DPYD: variants seen among roughly 807,000 people sequenced by gnomAD.
The protein encoded by DPYD is dihydropyrimidine dehydrogenase [NADP(+)].
In DPYD, 109 loss-of-function variants were observed where a neutral mutation model predicts 116.2. That is an observed-to-expected ratio of 0.94 (90% confidence interval 0.80 to 1.10). The LOEUF (loss-of-function observed/expected upper bound fraction) is 1.10, where lower values mean the gene tolerates loss of function less well. Among genes scored for constraint, DPYD ranks in the 50% least tolerant of loss-of-function variants. The pLI is 0.00. For synonymous variants in DPYD, 440 were observed against 432.0 expected, an observed-to-expected ratio of 1.02 and a Z score of -0.23; for missense variants, 1,302 against 1,254.5, an observed-to-expected ratio of 1.04 and a Z score of -0.57.
intron 20 of DPYD, among the ~76,000 whole-genome samples, chr1:97,155,416 T>G (rs1655372230): frequency 6.6e-6 from 1 of 152,148 alleles, no homozygotes; most frequent in Non-Finnish European, 1.5e-5. Flanking sequence ...GTCCAAATAT[T>G]CTCTCTGAAT....
chr1:97,574,785 T>G (rs968250844), intron 10 of DPYD, among the ~76,000 whole-genome samples: 1 of 152,154 alleles, frequency 6.6e-6, no homozygotes, highest in Non-Finnish European at 1.5e-5. Flanking sequence ...GTTCTTTTTT[T>G]AAAAAATGCA....
Position 97,593,203 on chromosome 1 carries a change from A to T in DPYD, c.1128+15T>A. ...TTGGAGTACAACTCCATATTTTCTG[A>T]TGGTTCCATTTTACCTCCTCAGGGA... On this transcript the variant is annotated intron_variant, in intron 10 of 22. Coordinates refer to ENST00000370192, the MANE Select transcript of DPYD (RefSeq NM_000110.4). 1.2e-6 allele frequency: 2 copies of T among 1,613,622 alleles called. No homozygotes were observed. Among genetic ancestry groups the T allele is most frequent in the Non-Finnish European group, 1.7e-6 (2 of 1,179,872 alleles).
At chr1:97,875,660 T>C (rs1431181571) in intron 2 of DPYD, among the ~76,000 whole-genome samples, 6 of 152,132 alleles carry the variant, frequency 3.9e-5, no homozygotes, top group Non-Finnish European at 7.4e-5. Flanking sequence ...CATTTCACAG[T>C]ATATTTTTCC....
At chr1:97,317,796 G>A (rs1202124890) in intron 16 of DPYD, among the ~76,000 whole-genome samples, 2 of 151,908 alleles carry the variant, frequency 1.3e-5, no homozygotes, top group African/African-American at 4.8e-5. Context: ...TCTGTCCTGG[G>A]AATGTTATGA....
At chr1:97,333,538 T>TTTTTTTTTTTTA (rs35688762) in intron 16 of DPYD, among the ~76,000 whole-genome samples, 1 of 146,356 alleles carries the variant, frequency 6.8e-6, no homozygotes, top group African/African-American at 2.6e-5. Context: ...TTTTTTTTTT[T>TTTTTTTTTTTTA]GAGATGGAGT....
In DPYD at chr1:97,446,423, G is replaced by A. The variant is rs1194647049; in HGVS notation, c.1905+3636C>T. Among the ~76,000 whole-genome samples the A allele has an allele frequency of 2.0e-5, 3 of 152,176 alleles. No individual in the cohort carries two copies. The East Asian group carries it at 5.8e-4, about 29-fold the overall frequency. On this transcript the variant is annotated intron_variant, in intron 14 of 22. Transcript: ENST00000370192. ...GCTATTTGTCAGTAAAGCACCTTCA[G>A]GAGTGCTGATGTAGATCAACTTCTT... is the stretch of plus-strand genomic sequence containing the variant.
At chr1:97,610,084 T>C (rs1328977358) in intron 8 of DPYD, among the ~76,000 whole-genome samples, 1 of 152,024 alleles carries the variant, frequency 6.6e-6, no homozygotes, top group African/African-American at 2.4e-5. Context: ...AAATCAACTA[T>C]CAAATTTTCA....
At chr1:97,843,580 C>T (rs1159047181) in intron 2 of DPYD, among the ~76,000 whole-genome samples, 1 of 152,104 alleles carries the variant, frequency 6.6e-6, no homozygotes, top group Non-Finnish European at 1.5e-5. Context: ...TTCTTTAACA[C>T]TTATTTATAG....
chr1:97,317,759 A>G (rs1047816297), intron 16 of DPYD, among the ~76,000 whole-genome samples: 4 of 151,946 alleles, frequency 2.6e-5, no homozygotes, highest in Non-Finnish European at 5.9e-5. Context: ...TACATTTAGG[A>G]TGAAGAGAGT....
intron 20 of DPYD, among the ~76,000 whole-genome samples, chr1:97,143,761 C>CA (rs1224412413): frequency 2.0e-5 from 3 of 152,072 alleles, no homozygotes; most frequent in Non-Finnish European, 4.4e-5. Context: ...CAACTTTAAA[C>CA]AAAAAAGCAT....
At chr1:97,751,458 G>GTGTGTGTGTA (rs1664900742) in intron 3 of DPYD, among the ~76,000 whole-genome samples, 2 of 22,048 alleles carry the variant, frequency 9.1e-5, no homozygotes, top group African/African-American at 1.4e-4. Context: ...GTGTGTGTGT[G>GTGTGTGTGTA]TGTATATATA....
At chr1:97,383,995 G>C (rs1472028854) in intron 14 of DPYD, among the ~76,000 whole-genome samples, 1 of 152,102 alleles carries the variant, frequency 6.6e-6, no homozygotes, top group Non-Finnish European at 1.5e-5. Context: ...TGTAGTCCCA[G>C]CCACTCAGGA....
chr1:97,797,855 G>C (rs1299524563), intron 3 of DPYD: 1 of 151,966 alleles, frequency 6.6e-6, no homozygotes. Context: ...TATATGTAGG[G>C]ATATGACTGC....
At chr1:97,558,423 T>A (rs1651903908) in intron 11 of DPYD, among the ~76,000 whole-genome samples, 1 of 151,964 alleles carries the variant, frequency 6.6e-6, no homozygotes, top group Non-Finnish European at 1.5e-5. Flanking sequence ...ATTTTTCTTG[T>A]AGATCTTATT....
At chr1:97,365,010 T>A (rs1250361763) in intron 16 of DPYD, among the ~76,000 whole-genome samples, 1 of 152,156 alleles carries the variant, frequency 6.6e-6, no homozygotes, top group Non-Finnish European at 1.5e-5. Flanking sequence ...AGTACCTTAA[T>A]TTTAAGGTCT....
At chr1:97,751,429 CGTGTGTGTGTGTGT>C (rs564067118) in intron 3 of DPYD, among the ~76,000 whole-genome samples, 10 of 53,068 alleles carry the variant, frequency 1.9e-4, no homozygotes, top group South Asian at 1.0e-3. Flanking sequence ...TATATGTATA[CGTGTGTGTGTGTGT>C]GTGTGTGTGT....
intron 20 of DPYD, among the ~76,000 whole-genome samples, chr1:97,144,300 C>A (rs1478275930): frequency 6.6e-6 from 1 of 152,174 alleles, no homozygotes; most frequent in Non-Finnish European, 1.5e-5. Context: ...GTGTATGAAG[C>A]AAGCTAAACT....
At chr1:97,679,222 T>C (rs1429971413) in intron 7 of DPYD, 40 bp from the exon 8 acceptor site, 10 of 1,122,500 alleles carry the variant, frequency 8.9e-6, no homozygotes, top group Non-Finnish European at 1.3e-5. Flanking sequence ...ATTTGGCATA[T>C]GATTAATTAA....
At chr1:97,163,969 A>G (rs1248905124) in intron 20 of DPYD, among the ~76,000 whole-genome samples, 1 of 152,168 alleles carries the variant, frequency 6.6e-6, no homozygotes, top group Non-Finnish European at 1.5e-5. Flanking sequence ...TTGTGTAGTA[A>G]AAAATAAAGA....
Sources: allele counts gnomAD v4.1 joint callset (sites outside exome capture counted in the v4.1 genomes callset), GRCh38; gene constraint gnomAD v4.1.1; transcripts MANE v1.5; gene names NCBI Gene and HGNC (gene_info 2026-07-23, HGNC 2026-07-21).